The following PRRC1 variants were observed in gnomAD, a reference collection of about 807,000 sequenced individuals.
PRRC1 encodes proline rich coiled-coil 1, also known as protein PRRC1.
Under a neutral mutation model 40.7 loss-of-function variants are expected in PRRC1, and 39 were observed. The observed-to-expected ratio is 0.96, with a 90% CI of 0.74 to 1.25. The LOEUF is 1.25. Among genes scored for constraint, PRRC1 ranks in the 50% most tolerant of loss-of-function variants. The probability of loss-of-function intolerance (pLI) is 0.00; values close to 1 mark genes in which losing one functional copy is unlikely to be tolerated. For synonymous variants in PRRC1, 175 were observed against 193.3 expected, an observed-to-expected ratio of 0.91 and a Z score of 0.79; for missense variants, 573 against 548.3, an observed-to-expected ratio of 1.05 and a Z score of -0.45.
chr5:127,526,434 GA>G, intron 3 of PRRC1, among the ~76,000 whole-genome samples, 183 bp from the exon 4 acceptor site: 1 of 152,084 alleles, frequency 6.6e-6, no homozygotes. Flanking sequence ...TATATAAAGG[GA>G]AATAAATTTC....
chr5:127,553,697 C>T lies in PRRC1; in HGVS notation c.*1781C>T. 1 of 1,491,024 alleles carries T rather than the reference C, an allele frequency of 6.7e-7. No homozygotes were observed. The highest frequency in any genetic ancestry group is 8.9e-7 in the Non-Finnish European group (1 of 1,127,212). The allele number at this position is 1,491,024 out of a possible 1,614,324, so 92.4% of individuals were successfully genotyped here. A position where few individuals can be genotyped will look rare whatever the true frequency, so the allele number is the denominator to read the frequency against. On this transcript the variant is annotated 3_prime_UTR_variant, in exon 9 of 9. Transcript: ENST00000296666. ...GGAAATCTTACAGATTCTAAAAATA[C>T]CTTAATTTTTCTTTGATTTTTATTT...
chr5:127,519,384 G>T (rs188482060), intron 1 of PRRC1, among the ~76,000 whole-genome samples: 1 of 152,298 alleles, frequency 6.6e-6, no homozygotes, highest in Non-Finnish European at 1.5e-5. Flanking sequence ...TGTCATGCGT[G>T]TTAGTCTCAC....
chr5:127,521,682 T>C lies in PRRC1; in HGVS notation c.-20-1778T>C, dbSNP rs544838250. ...TAAAAACCCAAGTTTTTTAACCTGG[T>C]TTATGAGGCTGAACACCTTCTGGGC... On this transcript the variant is annotated intron_variant, in intron 1 of 8. Transcript: ENST00000296666. Among the ~76,000 whole-genome samples the C allele has an allele frequency of 2.6e-5, 4 of 152,358 alleles. No homozygotes were observed. The South Asian group carries it at 6.2e-4, about 24-fold the overall frequency.
rs1767555001 is a variant in PRRC1, at chr5:127,524,652, GCCT to G, written c.232_234del (p.Pro78del). On this transcript the variant is annotated inframe_deletion, in exon 3 of 9. Coordinates refer to ENST00000296666, the MANE Select transcript of PRRC1 (RefSeq NM_130809.5). ...GGCCTTCAGCACCATTACCTTTTGTGCCTCCTCCTGCAGTTCCTTCTGTCCCAC... is the reference window on the plus strand; with the variant it reads ...GGCCTTCAGCACCATTACCTTTTGTGCCTCCTGCAGTTCCTTCTGTCCCAC... 2 of 1,613,872 alleles carry G rather than the reference GCCT, an allele frequency of 1.2e-6. No homozygotes were observed. The highest frequency in any genetic ancestry group is 1.7e-6 in the Non-Finnish European group (2 of 1,180,014).
At position 127,526,762 on chromosome 5, in the gene PRRC1, T is replaced by C; in HGVS notation, c.638T>C (p.Ile213Thr). 1 of 1,606,020 alleles carries C rather than the reference T, an allele frequency of 6.2e-7. No individual in the cohort carries two copies. The highest frequency in any genetic ancestry group is 8.5e-7 in the Non-Finnish European group (1 of 1,176,398). The change falls in exon 4 of 9, where the codon ATC becomes ACC. Residue 213 changes from isoleucine to threonine, a missense_variant. Coordinates refer to ENST00000296666, the MANE Select transcript of PRRC1 (RefSeq NM_130809.5). ...CAGGATGAAGCATCTGCTGGTGGAA[T>C]CTGGGGTTTTATTAAGGTAAGACGT... Reference protein sequence around the residue: ...RGQDEASAGGIWGFIKGVAGN... With the variant: ...RGQDEASAGGTWGFIKGVAGN...
Position 127,526,717 on chromosome 5 carries a change from A to G in PRRC1, c.593A>G (p.Asp198Gly). ...SAITFPEEQE[D>G]PRITRGQDEA... is the part of the protein sequence containing the mutation. ...ATTACTTTCCCAGAGGAGCAAGAAGACCCTAGAATTACTAGAGGTCAGGAT... is the reference window on the plus strand; with the variant it reads ...ATTACTTTCCCAGAGGAGCAAGAAGGCCCTAGAATTACTAGAGGTCAGGAT... Residue 198 changes from aspartate to glycine, a missense_variant, in exon 4 of 9, where the codon GAC becomes GGC. Physicochemically the swap from Asp to Gly is moderately conservative, Grantham distance 94. Coordinates refer to ENST00000296666, the MANE Select transcript of PRRC1 (RefSeq NM_130809.5). 1 of 1,613,384 alleles carries G rather than the reference A, an allele frequency of 6.2e-7. No individual in the cohort carries two copies. The highest frequency in any genetic ancestry group is 8.5e-7 in the Non-Finnish European group (1 of 1,179,600).
At position 127,534,501 on chromosome 5, in the gene PRRC1, G is replaced by A. The variant is rs896785785; in HGVS notation, c.921+715G>A. ...CGTGCTAATGTTCTCCATCTTATTGGACTTACCAGAGGCTTTTGAGACAGT... is the reference window on the plus strand; with the variant it reads ...CGTGCTAATGTTCTCCATCTTATTGAACTTACCAGAGGCTTTTGAGACAGT... On this transcript the variant is annotated intron_variant, in intron 6 of 8. Transcript: ENST00000296666. Among the ~76,000 whole-genome samples, 3 of 152,264 alleles carry A rather than the reference G, an allele frequency of 2.0e-5. No individual in the cohort carries two copies. In the South Asian group the frequency reaches 6.2e-4, roughly 32 times the overall value.
chr5:127,533,604 T>G lies in PRRC1; in HGVS notation c.758-19T>G. The G allele has an allele frequency of 6.3e-7, 1 of 1,597,448 alleles. No individual in the cohort carries two copies. The highest frequency in any genetic ancestry group is 8.5e-7 in the Non-Finnish European group (1 of 1,173,064). ...CATTATTTTAATTTGAAAGTTAAAT[T>G]TTCCTCTGGTCTTTTTAGAATCTGG... On this transcript the variant is annotated intron_variant, in intron 5 of 8. Transcript: ENST00000296666.
At chr5:127,533,037 G>C (rs546915488) in intron 5 of PRRC1, among the ~76,000 whole-genome samples, 1 of 151,842 alleles carries the variant, frequency 6.6e-6, no homozygotes, top group Non-Finnish European at 1.5e-5. Context: ...TTTTTATTTC[G>C]TATTACTCTT....
At position 127,552,281 on chromosome 5, in the gene PRRC1, A is replaced by C; in HGVS notation, c.*365A>C. The C allele has an allele frequency of 2.9e-6, 3 of 1,045,126 alleles. No individual in the cohort carries two copies. The highest frequency in any genetic ancestry group is 3.5e-6 in the Non-Finnish European group (3 of 865,374). The allele number at this position is 1,045,126 out of a possible 1,614,324, so 64.7% of individuals were successfully genotyped here. On this transcript the variant is annotated 3_prime_UTR_variant, in exon 9 of 9. Coordinates refer to ENST00000296666, the MANE Select transcript of PRRC1 (RefSeq NM_130809.5). ...TTTAAAGAAGACATTATTAAAGAAC[A>C]TGTTGGTTGAATGTTTATAAAAGCA...
At chr5:127,547,372 G>T (rs539327913) in intron 7 of PRRC1, among the ~76,000 whole-genome samples, 1 of 152,078 alleles carries the variant, frequency 6.6e-6, no homozygotes, top group South Asian at 2.1e-4. Flanking sequence ...TATTTCCTCT[G>T]AGCTTATTTT....
At chr5:127,530,068 A>T (rs1767726558) in intron 4 of PRRC1, among the ~76,000 whole-genome samples, 3 of 152,116 alleles carry the variant, frequency 2.0e-5, no homozygotes, top group Admixed American at 2.0e-4. Context: ...TCAAAGCGTG[A>T]TCTGTAGATT....
At chr5:127,528,747 A>G (rs1330187906) in intron 4 of PRRC1, among the ~76,000 whole-genome samples, 1 of 152,108 alleles carries the variant, frequency 6.6e-6, no homozygotes, top group Non-Finnish European at 1.5e-5. Context: ...AGCGTTTAAT[A>G]TAGTTGATAT....
chr5:127,517,656 C>T lies in PRRC1; in HGVS notation c.-141C>T, dbSNP rs1328834069. 2 of 151,622 alleles carry T rather than the reference C, an allele frequency of 1.3e-5. No individual in the cohort carries two copies. The highest frequency in any genetic ancestry group is 2.9e-5 in the Non-Finnish European group (2 of 67,800). The allele number at this position is 151,622 out of a possible 1,614,324, so 9.4% of individuals were successfully genotyped here. ...CCCGTGGCCATCTTGTAGGCGGGGA[C>T]ACGCCGAGGTAACTTCCAGGGTGCG... On this transcript the variant is annotated 5_prime_UTR_variant, in exon 1 of 9. Transcript: ENST00000296666.
chr5:127,519,307 C>T (rs533191048), intron 1 of PRRC1, among the ~76,000 whole-genome samples: 3 of 152,298 alleles, frequency 2.0e-5, no homozygotes, highest in African/African-American at 7.2e-5. Flanking sequence ...ATTCAGCCTC[C>T]CCGGATCCCT....
At chr5:127,536,526 T>C (rs1366339315) in intron 6 of PRRC1, among the ~76,000 whole-genome samples, 2 of 152,066 alleles carry the variant, frequency 1.3e-5, no homozygotes, top group Non-Finnish European at 2.9e-5. Flanking sequence ...TTTCAAGATT[T>C]AGTTGCAGAG....
chr5:127,549,422 G>A (rs1263135908), intron 8 of PRRC1: 1 of 152,122 alleles, frequency 6.6e-6, no homozygotes, highest in African/African-American at 2.4e-5. Flanking sequence ...AAGAACAGCA[G>A]AATGGTTCAA....
intron 5 of PRRC1, among the ~76,000 whole-genome samples, chr5:127,533,072 G>A (rs1767815302): frequency 6.6e-6 from 1 of 152,026 alleles, no homozygotes; most frequent in African/African-American, 2.4e-5. Context: ...TAAGTTTTAT[G>A]TGTTATTTCA....
intron 8 of PRRC1, chr5:127,550,453 C>T (rs1768348445): frequency 6.6e-6 from 1 of 152,098 alleles, no homozygotes. Flanking sequence ...AAATTTCATA[C>T]AATTTGTACT....
Sources: allele counts gnomAD v4.1 joint callset (sites outside exome capture counted in the v4.1 genomes callset), GRCh38; gene constraint gnomAD v4.1.1; transcripts MANE v1.5; gene names NCBI Gene and HGNC (gene_info 2026-07-23, HGNC 2026-07-21).